The following LARP1B variants were observed in gnomAD, a reference collection of about 807,000 sequenced individuals.
The protein encoded by LARP1B is la-related protein 1B.
In LARP1B, 76 loss-of-function variants were observed where a neutral mutation model predicts 114.2. That is an observed-to-expected ratio of 0.67 (90% CI 0.55 to 0.81). LARP1B has a LOEUF of 0.81. Ranked by LOEUF, LARP1B falls within the 30% of genes least tolerant of loss-of-function variation. The pLI is 0.00. For synonymous variants in LARP1B, 345 were observed against 348.0 expected (o/e 0.99, Z 0.10); for missense variants, 1,014 against 1,075.8 (o/e 0.94, Z 0.80).
chr4:128,118,997 C>G (rs574342306), intron 10 of LARP1B, among the ~76,000 whole-genome samples: 1 of 151,768 alleles, frequency 6.6e-6, no homozygotes, highest in East Asian at 1.9e-4. Context: ...TCTTCTGCCT[C>G]AGCCTCCCGA....
chr4:128,125,997 A>G (rs1446859159), intron 11 of LARP1B, among the ~76,000 whole-genome samples: 1 of 152,168 alleles, frequency 6.6e-6, no homozygotes, highest in African/African-American at 2.4e-5. Flanking sequence ...CTTTATTCAC[A>G]TTATATTGCA....
At chr4:128,098,117 A>T in intron 7 of LARP1B, 69 bp from the exon 8 acceptor site, 1 of 1,232,714 alleles carries the variant, frequency 8.1e-7, no homozygotes, top group Non-Finnish European at 1.2e-6. Context: ...TTTCACAGTT[A>T]ATGTGGGAGC....
At chr4:128,189,000 A>C (rs570475327) in intron 15 of LARP1B, among the ~76,000 whole-genome samples, 1 of 152,272 alleles carries the variant, frequency 6.6e-6, no homozygotes, top group South Asian at 2.1e-4. Context: ...TATAAATGTC[A>C]CTAGGTCCAG....
chr4:128,153,360 A>G (rs980834042), intron 11 of LARP1B, among the ~76,000 whole-genome samples: 2 of 150,384 alleles, frequency 1.3e-5, no homozygotes, highest in Non-Finnish European at 3.0e-5. Context: ...TCTGTCGCCC[A>G]GGCTGGAGTG....
At chr4:128,153,451 G>T (rs745375806) in intron 11 of LARP1B, among the ~76,000 whole-genome samples, 1 of 151,386 alleles carries the variant, frequency 6.6e-6, no homozygotes, top group Non-Finnish European at 1.5e-5. Flanking sequence ...GACTACAGGC[G>T]TGCACCACCA....
At chr4:128,138,876 G>C (rs1726629039) in intron 11 of LARP1B, among the ~76,000 whole-genome samples, 2 of 152,152 alleles carry the variant, frequency 1.3e-5, no homozygotes, top group African/African-American at 2.4e-5. Flanking sequence ...AGAATCGCTT[G>C]AACCTGGGAG....
chr4:128,130,977 G>C (rs1330839483), intron 11 of LARP1B, among the ~76,000 whole-genome samples: 2 of 152,158 alleles, frequency 1.3e-5, no homozygotes, highest in Admixed American at 1.3e-4. Context: ...TTCTGGAAAG[G>C]GCAAAACTAT....
rs374993031 is a variant in LARP1B at position 128,072,538 on chromosome 4, A to T, written c.-77-1922A>T. ...AAATTTCCTTTCTTAGGCTTCTTTT[A>T]CTTGTAATCTGTACGTATATATAAT... On this transcript the variant is annotated intron_variant, in intron 1 of 19. Coordinates refer to ENST00000326639, the MANE Select transcript of LARP1B (RefSeq NM_018078.4). Among the ~76,000 whole-genome samples the T allele has an allele frequency of 8.2e-4, 125 of 151,676 alleles. 3 individuals carry two copies. The South Asian group carries it at 0.025, about 30-fold the overall frequency.
intron 11 of LARP1B, among the ~76,000 whole-genome samples, chr4:128,148,527 CTTGAGCATATTTATAAAGATTCTAAT>C (rs1731301809): frequency 6.6e-6 from 1 of 151,840 alleles, no homozygotes; most frequent in Admixed American, 6.6e-5. Flanking sequence ...TTTTGAAGTA[CTTGAGCATATTTATAAAGATTCTAAT>C]TTGATGGGTC....
intron 11 of LARP1B, among the ~76,000 whole-genome samples, chr4:128,154,999 C>G (rs1049731190): frequency 5.9e-5 from 9 of 152,136 alleles, no homozygotes; most frequent in African/African-American, 9.7e-5. Flanking sequence ...CTCTCGAACT[C>G]TTGACATCAG....
At chr4:128,095,919 C>G (rs1048606620) in intron 7 of LARP1B, among the ~76,000 whole-genome samples, 4 of 151,398 alleles carry the variant, frequency 2.6e-5, no homozygotes, top group African/African-American at 4.9e-5. Flanking sequence ...TCATTCTTCT[C>G]TATATTTTCC....
intron 11 of LARP1B, among the ~76,000 whole-genome samples, chr4:128,133,084 T>C (rs1792087704): frequency 6.6e-6 from 1 of 152,146 alleles, no homozygotes; most frequent in Non-Finnish European, 1.5e-5. Context: ...ATGAGAGCGA[T>C]AGGGAGCAGC....
intron 11 of LARP1B, among the ~76,000 whole-genome samples, chr4:128,128,506 A>T (rs938951898): frequency 3.9e-5 from 6 of 152,216 alleles, no homozygotes; most frequent in Non-Finnish European, 7.3e-5. Flanking sequence ...TTAGTTGGGC[A>T]AAATCATTTA....
chr4:128,088,200 A>G (rs544065152), intron 5 of LARP1B, among the ~76,000 whole-genome samples: 1 of 24,878 alleles, frequency 4.0e-5, no homozygotes, highest in South Asian at 2.5e-3. Context: ...TAAAATCAAT[A>G]ATAATGATGA....
chr4:128,210,815 T>C lies in LARP1B; in HGVS notation c.*762T>C. 1 of 983,536 alleles carries C rather than the reference T, an allele frequency of 1.0e-6. No individual in the cohort carries two copies. Among genetic ancestry groups the C allele is most frequent in the Non-Finnish European group, 1.2e-6 (1 of 828,294 alleles). The allele number at this position is 983,536 out of a possible 1,614,324, so 60.9% of individuals were successfully genotyped here. A position where few individuals can be genotyped will look rare whatever the true frequency, so the allele number is the denominator to read the frequency against. ...TTAGAGGTTTATTTTTATGATTCTA[T>C]ATAAACGTGCACGAGTAATTTAAAA... On this transcript the variant is annotated 3_prime_UTR_variant, in exon 20 of 20. Coordinates refer to ENST00000326639, the MANE Select transcript of LARP1B (RefSeq NM_018078.4).
chr4:128,206,992 CAT>C (rs1757792133), intron 18 of LARP1B, among the ~76,000 whole-genome samples: 1 of 152,156 alleles, frequency 6.6e-6, no homozygotes, highest in Non-Finnish European at 1.5e-5. Context: ...TCATCTGTAA[CAT>C]ATATGAGAAC....
chr4:128,151,100 G>GTA (rs1732589998), intron 11 of LARP1B, among the ~76,000 whole-genome samples: 1 of 152,170 alleles, frequency 6.6e-6, no homozygotes, highest in African/African-American at 2.4e-5. Context: ...AGGAATGCCA[G>GTA]TATATTGTTC....
At chr4:128,193,653 G>A (rs188033229) in intron 15 of LARP1B, among the ~76,000 whole-genome samples, 109 of 151,560 alleles carry the variant, frequency 7.2e-4, no homozygotes, top group Middle Eastern at 3.4e-3. Flanking sequence ...TTTCGCTCTC[G>A]TTGCCCAGGT....
intron 11 of LARP1B, among the ~76,000 whole-genome samples, chr4:128,153,029 C>T (rs1733632849): frequency 8.5e-6 from 1 of 117,978 alleles, no homozygotes; most frequent in Non-Finnish European, 1.6e-5. Context: ...GTCACCCAGG[C>T]TGGAGTGCAA....
Sources: allele counts gnomAD v4.1 joint callset (sites outside exome capture counted in the v4.1 genomes callset), GRCh38; gene constraint gnomAD v4.1.1; transcripts MANE v1.5; gene names NCBI Gene and HGNC (gene_info 2026-07-23, HGNC 2026-07-21).